The following CTNNA2 variants were observed in gnomAD, a reference collection of about 807,000 sequenced individuals.
CTNNA2 encodes the protein catenin alpha-2.
In CTNNA2, 42 loss-of-function variants were observed where a neutral mutation model predicts 101.0. That is an observed-to-expected ratio of 0.42 (90% CI 0.32 to 0.54). CTNNA2 has a LOEUF of 0.54. CTNNA2 is among the 20% of genes least tolerant of loss of function. CTNNA2 has a pLI of 0.14. For missense variants in CTNNA2, 871 were observed against 1,223.1 expected (o/e 0.71, Z 4.29); for synonymous variants, 450 against 456.4 (o/e 0.99, Z 0.18).
At chr2:80,352,600 T>C (rs1467566135) in intron 7 of CTNNA2, among the ~76,000 whole-genome samples, 1 of 152,162 alleles carries the variant, frequency 6.6e-6, no homozygotes, top group East Asian at 1.9e-4. Context: ...GTAAATACTT[T>C]GCTTCTAAGA....
At chr2:79,287,040 G>T (rs1675615569) in intron 2 of CTNNA2, among the ~76,000 whole-genome samples, 1 of 151,880 alleles carries the variant, frequency 6.6e-6, no homozygotes, top group Non-Finnish European at 1.5e-5. Context: ...TCTTCCAGTT[G>T]ATCGCATCAG....
chr2:80,634,656 G>C (rs932285928), intron 18 of CTNNA2, among the ~76,000 whole-genome samples: 2 of 152,094 alleles, frequency 1.3e-5, no homozygotes, highest in Non-Finnish European at 2.9e-5. Flanking sequence ...GGGGTAAAGG[G>C]TGGGAAGCAA....
intron 7 of CTNNA2, among the ~76,000 whole-genome samples, chr2:79,983,175 CAT>C (rs1376998596): frequency 1.3e-5 from 2 of 148,840 alleles, no homozygotes; most frequent in South Asian, 2.1e-4. Context: ...TATATTAATA[CAT>C]ATATGTTTTA....
At chr2:80,613,392 G>A (rs984296353) in intron 17 of CTNNA2, among the ~76,000 whole-genome samples, 2 of 151,322 alleles carry the variant, frequency 1.3e-5, no homozygotes, top group Non-Finnish European at 3.0e-5. Flanking sequence ...TTCAAGACTT[G>A]TTTTTGGAAG....
chr2:80,322,264 A>G (rs934417741), intron 7 of CTNNA2, among the ~76,000 whole-genome samples: 5 of 152,184 alleles, frequency 3.3e-5, no homozygotes, highest in Non-Finnish European at 7.4e-5. Context: ...TAAAATGCCC[A>G]GTGATTAAAA....
At chr2:79,589,240 G>C (rs1486724869) in intron 1 of CTNNA2, among the ~76,000 whole-genome samples, 1 of 152,160 alleles carries the variant, frequency 6.6e-6, no homozygotes, top group African/African-American at 2.4e-5. Context: ...ACCAGAAGTG[G>C]TTTTTGGGGT....
intron 12 of CTNNA2, among the ~76,000 whole-genome samples, chr2:80,560,253 T>C (rs1693463148): frequency 6.6e-6 from 1 of 152,100 alleles, no homozygotes; most frequent in Non-Finnish European, 1.5e-5. Context: ...TTTCTATATA[T>C]TTTTGCTTAG....
intron 4 of CTNNA2, among the ~76,000 whole-genome samples, chr2:79,434,023 G>A (rs1678684297): frequency 6.6e-6 from 1 of 152,146 alleles, no homozygotes; most frequent in Non-Finnish European, 1.5e-5. Context: ...GCCTGGCGCA[G>A]CAGCTCATAC....
At chr2:79,521,138 A>G (rs1672090199) in intron 1 of CTNNA2, among the ~76,000 whole-genome samples, 1 of 24,296 alleles carries the variant, frequency 4.1e-5, no homozygotes, top group Admixed American at 3.0e-4. Context: ...ATATATATAT[A>G]TATATATATA....
rs116012316 is a variant in CTNNA2 at position 80,366,073 on chromosome 2, A to G, written c.1057-27138A>G. On this transcript the variant is annotated intron_variant, in intron 7 of 18. Transcript: ENST00000402739. ...AAGGTAATGGGATTAGAATGTGGCA[A>G]TTCTCACACAGAACACTTAACATCC... 3.5e-3 allele frequency among the ~76,000 whole-genome samples: 535 copies of G among 152,298 alleles called. 5 individuals carry two copies. The highest frequency in any genetic ancestry group is 0.012 in the African/African-American group (506 of 41,570).
At chr2:79,785,096 G>C (rs1243639162) in intron 3 of CTNNA2, among the ~76,000 whole-genome samples, 1 of 152,094 alleles carries the variant, frequency 6.6e-6, no homozygotes, top group African/African-American at 2.4e-5. Context: ...CCTGGGGATG[G>C]CCTCCTATTT....
intron 6 of CTNNA2, among the ~76,000 whole-genome samples, chr2:79,885,078 C>T (rs1454322427): frequency 1.3e-5 from 2 of 152,106 alleles, no homozygotes; most frequent in Non-Finnish European, 2.9e-5. Flanking sequence ...CACATGGCAG[C>T]AGTCATTTCA....
intron 7 of CTNNA2, among the ~76,000 whole-genome samples, chr2:80,279,405 T>C (rs886958249): frequency 1.3e-5 from 2 of 152,206 alleles, no homozygotes; most frequent in African/African-American, 4.8e-5. Flanking sequence ...CAGCGTCTAG[T>C]GCTGCCACTA....
intron 4 of CTNNA2, among the ~76,000 whole-genome samples, chr2:79,498,464 C>T (rs1259703469): frequency 6.6e-6 from 1 of 152,180 alleles, no homozygotes; most frequent in African/African-American, 2.4e-5. Context: ...CAAGCATGGT[C>T]TCCACAGTAG....
chr2:79,262,457 AT>A (rs1473434608), intron 2 of CTNNA2, among the ~76,000 whole-genome samples: 1 of 152,178 alleles, frequency 6.6e-6, no homozygotes, highest in Non-Finnish European at 1.5e-5. Flanking sequence ...ATCCTAAAAA[AT>A]ATTTCATTTA....
intron 7 of CTNNA2, among the ~76,000 whole-genome samples, chr2:80,075,945 A>G (rs1698719568): frequency 6.6e-6 from 1 of 151,814 alleles, no homozygotes. Context: ...GAATGGCTGG[A>G]GACAATGAGG....
intron 4 of CTNNA2, among the ~76,000 whole-genome samples, chr2:79,430,060 C>T (rs1354017628): frequency 1.4e-4 from 22 of 151,920 alleles, no homozygotes; most frequent in Admixed American, 1.2e-3. Flanking sequence ...GAAACAGAAG[C>T]GGAGGAGGAC....
At chr2:79,706,779 AG>A (rs1409397781) in intron 2 of CTNNA2, among the ~76,000 whole-genome samples, 1 of 152,086 alleles carries the variant, frequency 6.6e-6, no homozygotes, top group East Asian at 1.9e-4. Context: ...CTACTTTTAC[AG>A]ACATTGAGTG....
At chr2:79,539,924 G>T (rs998943966) in intron 1 of CTNNA2, among the ~76,000 whole-genome samples, 35 of 152,056 alleles carry the variant, frequency 2.3e-4, no homozygotes, top group African/African-American at 8.5e-4. Flanking sequence ...CCCCACCCAG[G>T]TCTTGTTTCT....
Sources: allele counts gnomAD v4.1 joint callset (sites outside exome capture counted in the v4.1 genomes callset), GRCh38; gene constraint gnomAD v4.1.1; transcripts MANE v1.5; gene names NCBI Gene and HGNC (gene_info 2026-07-23, HGNC 2026-07-21).